The following NGEF variants were observed in gnomAD, a reference collection of about 807,000 sequenced individuals.
NGEF encodes the protein neuronal guanine nucleotide exchange factor.
Under a neutral mutation model 80.9 loss-of-function variants are expected in NGEF, and 31 were observed. The ratio of observed to expected loss-of-function variants is 0.38; its 90% CI spans 0.29 to 0.52. The LOEUF (loss-of-function observed/expected upper bound fraction) is 0.52. Ranked by LOEUF, NGEF falls within the 20% of genes least tolerant of loss-of-function variation. The pLI is 0.84. For missense variants in NGEF, 709 were observed against 926.2 expected (o/e 0.77, Z 3.04); for synonymous variants, 371 against 370.2 (o/e 1.00, Z -0.03).
intron 1 of NGEF, among the ~76,000 whole-genome samples, chr2:232,991,184 A>G (rs1694642604): frequency 6.6e-6 from 1 of 152,126 alleles, no homozygotes; most frequent in Non-Finnish European, 1.5e-5. Context: ...GAAGATAAGA[A>G]TGCCCACTCT....
chr2:232,882,749 C>G (rs1271238637), intron 12 of NGEF, among the ~76,000 whole-genome samples: 1 of 152,176 alleles, frequency 6.6e-6, no homozygotes, highest in Non-Finnish European at 1.5e-5. Context: ...GCTCCGCAGG[C>G]CACGAGGGAG....
At position 232,882,326 on chromosome 2, in the gene NGEF, G is replaced by A. The variant is rs530048642; in HGVS notation, c.1758-61C>T. The A allele has an allele frequency of 2.4e-4, 348 of 1,450,690 alleles. 4 individuals carry two copies. The East Asian group carries it at 6.6e-3, about 27-fold the overall frequency. The allele number at this position is 1,450,690 out of a possible 1,614,324, so 89.9% of individuals were successfully genotyped here. On this transcript the variant is annotated intron_variant, in intron 12 of 14. Transcript: ENST00000264051. ...ATCAACGGCAGCCCCCCAACGTGTG[G>A]CACGAGGCTTCCCAGCTAGCTGCCC...
intron 12 of NGEF, among the ~76,000 whole-genome samples, chr2:232,883,097 A>G (rs11885029): frequency 0.093 from 14,054 of 151,384 alleles, 905 homozygotes; most frequent in East Asian, 0.18. Context: ...ACACGCACAC[A>G]CGTACACGCG....
intron 3 of NGEF, among the ~76,000 whole-genome samples, chr2:232,967,772 AG>A (rs1300837559): frequency 6.6e-6 from 1 of 151,734 alleles, no homozygotes; most frequent in Non-Finnish European, 1.5e-5. Flanking sequence ...TCAGGAAGGA[AG>A]TGTTGCCTCC....
At chr2:232,928,900 A>G (rs1284696749) in intron 3 of NGEF, among the ~76,000 whole-genome samples, 1 of 152,236 alleles carries the variant, frequency 6.6e-6, no homozygotes, top group Non-Finnish European at 1.5e-5. Flanking sequence ...CAGAAAGAGC[A>G]GAAAGGACAG....
At chr2:232,915,916 C>T (rs1692792696) in intron 5 of NGEF, among the ~76,000 whole-genome samples, 1 of 152,160 alleles carries the variant, frequency 6.6e-6, no homozygotes, top group Non-Finnish European at 1.5e-5. Context: ...GTCTCGAACT[C>T]CCGACCTCAG....
intron 1 of NGEF, among the ~76,000 whole-genome samples, chr2:232,999,170 C>T (rs1574663094): frequency 6.6e-6 from 1 of 152,198 alleles, no homozygotes; most frequent in Non-Finnish European, 1.5e-5. Context: ...TGATGATGGG[C>T]ATGGCAGACA....
At chr2:232,899,180 AGT>A (rs1331475212) in intron 5 of NGEF, among the ~76,000 whole-genome samples, 1 of 151,382 alleles carries the variant, frequency 6.6e-6, no homozygotes, top group Admixed American at 6.6e-5. Context: ...TATGAAGGTG[AGT>A]GTGAATGTGT....
In NGEF at chr2:232,891,481, C is replaced by T. The variant is rs61750834; in HGVS notation, c.1149G>A (p.Glu383=). The T allele has an allele frequency of 1.1e-3, 1,801 of 1,612,726 alleles. 20 individuals carry two copies. The African/African-American group carries it at 0.021, about 19-fold the overall frequency. The change falls in exon 8 of 15, where the codon GAG becomes GAA. Residue 383 remains glutamate (E), a synonymous_variant. Coordinates refer to ENST00000264051, the MANE Select transcript of NGEF (RefSeq NM_019850.3). ...CGATCAGCTCCCGGAAAGCTGCCTT[C>T]TCCTGGCTGGGGACACAGACAGGTG... ...QERTYKQLLQ[E]KAAFRELIAQ...
At chr2:232,918,628 GTTTT>G (rs752153408) in intron 5 of NGEF, among the ~76,000 whole-genome samples, 2 of 108,050 alleles carry the variant, frequency 1.9e-5, no homozygotes, top group Non-Finnish European at 4.0e-5. Flanking sequence ...TTATTTCTAA[GTTTT>G]TTTTTTTTTT....
At chr2:232,901,765 G>C (rs2106251630) in intron 5 of NGEF, among the ~76,000 whole-genome samples, 1 of 152,376 alleles carries the variant, frequency 6.6e-6, no homozygotes, top group Middle Eastern at 3.4e-3. Flanking sequence ...CTTTTGCCTG[G>C]AGGGAGGGAG....
chr2:232,932,168 T>TC (rs1182599636), intron 3 of NGEF, among the ~76,000 whole-genome samples: 1 of 147,686 alleles, frequency 6.8e-6, no homozygotes, highest in Non-Finnish European at 1.5e-5. Flanking sequence ...CCTTTCTTTT[T>TC]TTTTTTTTTT....
intron 3 of NGEF, among the ~76,000 whole-genome samples, chr2:232,962,402 A>G (rs1293091398): frequency 6.6e-6 from 1 of 150,416 alleles, no homozygotes; most frequent in East Asian, 1.9e-4. Context: ...AACAAAAATT[A>G]GCCAGGTGTG....
intron 5 of NGEF, 149 bp from the exon 6 acceptor site, chr2:232,895,065 G>C: frequency 1.2e-6 from 1 of 817,694 alleles, no homozygotes; most frequent in South Asian, 2.0e-5. Context: ...GGCTGCTGCA[G>C]GGGCAGCTGG....
chr2:232,906,041 C>T (rs1219461141), intron 5 of NGEF, among the ~76,000 whole-genome samples: 7 of 132,714 alleles, frequency 5.3e-5, no homozygotes, highest in South Asian at 4.8e-4. Context: ...GCCCCCCGCC[C>T]GGCCAGCCGC....
intron 5 of NGEF, among the ~76,000 whole-genome samples, chr2:232,903,009 AAAC>A (rs1692400910): frequency 6.6e-6 from 1 of 151,912 alleles, no homozygotes; most frequent in Non-Finnish European, 1.5e-5. Flanking sequence ...AACAAAAACA[AAAC>A]AAAACAAAAA....
intron 1 of NGEF, among the ~76,000 whole-genome samples, chr2:232,983,067 T>C (rs1473400931): frequency 1.3e-5 from 2 of 152,208 alleles, no homozygotes; most frequent in Non-Finnish European, 2.9e-5. Context: ...GCTGTCACCC[T>C]GCCCTGGGGA....
intron 3 of NGEF, among the ~76,000 whole-genome samples, chr2:232,969,494 TCCCTCCCTCCCTC>T (rs1694142331): frequency 8.8e-6 from 1 of 114,244 alleles, no homozygotes; most frequent in African/African-American, 3.3e-5. Context: ...CCTTCCTCCC[TCCCTCCCTCCCTC>T]CCCTGCTTCC....
chr2:232,894,415 G>A (rs1458801871), intron 6 of NGEF, among the ~76,000 whole-genome samples: 1 of 152,192 alleles, frequency 6.6e-6, no homozygotes, highest in Admixed American at 6.5e-5. Flanking sequence ...AGACTCCCGT[G>A]GACCTGCCTG....
Sources: gnomAD v4.1 joint callset for allele counts (sites outside exome capture counted in the v4.1 genomes callset) on GRCh38, gnomAD v4.1.1 for gene constraint, MANE v1.5 for transcripts, NCBI Gene and HGNC (gene_info 2026-07-23, HGNC 2026-07-21) for gene names.